The following SP100 variants were observed in gnomAD, a reference collection of about 807,000 sequenced individuals.
SP100 encodes nuclear autoantigen Sp-100.
Under a neutral mutation model 130.0 loss-of-function variants are expected in SP100, and 84 were observed. The ratio of observed to expected loss-of-function variants is 0.65; its 90% CI spans 0.54 to 0.77. The LOEUF (loss-of-function observed/expected upper bound fraction) is 0.77. Among genes scored for constraint, SP100 ranks in the 30% least tolerant of loss-of-function variants. The pLI, the probability that SP100 is intolerant of heterozygous loss-of-function variation, is 0.00. For missense variants in SP100, 978 were observed against 1,052.2 expected, an observed-to-expected ratio of 0.93 and a Z score of 0.97; for synonymous variants, 331 against 351.7, an observed-to-expected ratio of 0.94 and a Z score of 0.66.
At chr2:230,492,034 C>G (rs930970911) in intron 17 of SP100, among the ~76,000 whole-genome samples, 3 of 152,024 alleles carry the variant, frequency 2.0e-5, no homozygotes, top group Non-Finnish European at 4.4e-5. Flanking sequence ...TTATATGATT[C>G]CTTTGGTGCT....
rs957466246 is a variant in SP100, at chr2:230,449,598, C to A, written c.624C>A (p.Pro208=). The change falls in exon 7 of 29, where the codon CCC becomes CCA. Residue 208 remains proline, a synonymous_variant. Transcript: ENST00000340126. ...TPPENGLSEH[P]CETEQINAKR... ...CTGAAAATGGACTCTCAGAGCACCC[C>A]TGTGAAACAGAACAGATAAATGCAA... 3 of 1,613,986 alleles carry A rather than the reference C, an allele frequency of 1.9e-6. No homozygotes were observed. In the African/African-American group the frequency reaches 4.0e-5, roughly 22 times the overall value.
chr2:230,489,258 A>C (rs1306371011), intron 17 of SP100, among the ~76,000 whole-genome samples: 1 of 151,996 alleles, frequency 6.6e-6, no homozygotes, highest in Non-Finnish European at 1.5e-5. Flanking sequence ...GGGAGGGTGT[A>C]TGTTTCCAGG....
chr2:230,507,145 A>C (rs1207546121), intron 22 of SP100: 5 of 152,092 alleles, frequency 3.3e-5, no homozygotes, highest in Admixed American at 2.0e-4. Context: ...TACTCAGAAG[A>C]CAGAAGCAGG....
intron 23 of SP100, chr2:230,509,303 G>C (rs1690398877): frequency 6.6e-6 from 1 of 152,128 alleles, no homozygotes; most frequent in South Asian, 2.1e-4. Flanking sequence ...CCTAAGCTCT[G>C]ACATGGGTGA....
intron 17 of SP100, among the ~76,000 whole-genome samples, chr2:230,487,103 TTC>T (rs2066143665): frequency 6.6e-6 from 1 of 152,368 alleles, no homozygotes; most frequent in Non-Finnish European, 1.5e-5. Flanking sequence ...TGCAAAAATT[TTC>T]TCACATTCTG....
intron 10 of SP100, 166 bp from the exon 11 acceptor site, chr2:230,463,901 C>T: frequency 1.9e-6 from 1 of 531,998 alleles, no homozygotes; most frequent in Non-Finnish European, 3.5e-6. Flanking sequence ...TATCACTAAC[C>T]CACAATGAAG....
chr2:230,542,109 A>G (rs569690497), intron 28 of SP100, 74 bp downstream of exon 28: 34 of 1,482,908 alleles, frequency 2.3e-5, no homozygotes, highest in Middle Eastern at 1.7e-4. Flanking sequence ...TCATCTTTTC[A>G]TGTCAGGTAA....
At chr2:230,449,914 CA>C (rs1559494589) in intron 7 of SP100, among the ~76,000 whole-genome samples, 1 of 151,930 alleles carries the variant, frequency 6.6e-6, no homozygotes, top group African/African-American at 2.4e-5. Context: ...AAGCTAGAAG[CA>C]AAAAACTGAG....
intron 24 of SP100, among the ~76,000 whole-genome samples, chr2:230,514,519 T>C (rs1690792168): frequency 6.6e-6 from 1 of 152,206 alleles, no homozygotes; most frequent in Non-Finnish European, 1.5e-5. Context: ...TAGAATCTAA[T>C]AACAACTATG....
intron 17 of SP100, among the ~76,000 whole-genome samples, chr2:230,489,214 A>C (rs945800330): frequency 2.0e-5 from 3 of 152,146 alleles, no homozygotes; most frequent in African/African-American, 7.2e-5. Context: ...TTATTGGTTT[A>C]TTCAGGGATT....
At chr2:230,446,170 A>T (rs533459044) in intron 4 of SP100, among the ~76,000 whole-genome samples, 1 of 152,240 alleles carries the variant, frequency 6.6e-6, no homozygotes, top group South Asian at 2.1e-4. Context: ...GTGCAGTGGC[A>T]TAATCTCAGC....
intron 2 of SP100, chr2:230,440,651 CA>C (rs899682094): frequency 2.7e-4 from 317 of 1,193,936 alleles, no homozygotes; most frequent in South Asian, 6.8e-4. Context: ...AATTCAAATC[CA>C]AAAAAAAGTC....
chr2:230,511,507 A>G (rs1690584518), intron 24 of SP100, among the ~76,000 whole-genome samples: 1 of 152,186 alleles, frequency 6.6e-6, no homozygotes, highest in African/African-American at 2.4e-5. Context: ...ATGTCAGAAA[A>G]TAAAAGCATT....
chr2:230,538,406 T>C (rs2150115150), intron 24 of SP100: 1 of 152,286 alleles, frequency 6.6e-6, no homozygotes, highest in African/African-American at 2.4e-5. Context: ...GAGTCTCATC[T>C]GTTACAACAA....
chr2:230,542,424 A>G (rs2150118944), intron 28 of SP100, among the ~76,000 whole-genome samples: 1 of 152,276 alleles, frequency 6.6e-6, no homozygotes, highest in Non-Finnish European at 1.5e-5. Flanking sequence ...CAAAATATTG[A>G]ATTTCTTTAC....
At chr2:230,539,010 T>C (rs1406677648) in intron 24 of SP100, 3 of 305,672 alleles carry the variant, frequency 9.8e-6, no homozygotes, top group Non-Finnish European at 1.9e-5. Context: ...AAAAAATCTC[T>C]AATTCATCCT....
chr2:230,456,193 A>G lies in SP100; in HGVS notation c.821-5069A>G, dbSNP rs75067465. The stretch of plus-strand genomic sequence containing the variant: ...GCCAAGAAAAGTATTCTTGGTTGTC[A>G]GGTTTCTTTTTCTTCCTTTGGCACT... On this transcript the variant is annotated intron_variant, in intron 8 of 28. Transcript: ENST00000340126. Among the ~76,000 whole-genome samples, 928 of 152,236 alleles carry G rather than the reference A, an allele frequency of 6.1e-3. 9 individuals carry two copies. Among genetic ancestry groups the G allele is most frequent in the African/African-American group, 0.021 (888 of 41,546 alleles).
At position 230,489,777 on chromosome 2, in the gene SP100, G is replaced by C. The variant is rs563082145; in HGVS notation, c.1601-4639G>C. ...TGCCTTAATTTCATTATTTACCCAG[G>C]AGTCATTCAGGAGCAGGTTGTTCAA... On this transcript the variant is annotated intron_variant, in intron 17 of 28. Coordinates refer to ENST00000340126, the MANE Select transcript of SP100 (RefSeq NM_001080391.2). 6.6e-5 allele frequency among the ~76,000 whole-genome samples: 10 copies of C among 152,144 alleles called. No homozygotes were observed. The East Asian group carries it at 1.9e-3, about 29-fold the overall frequency.
At chr2:230,454,324 T>G (rs2064161071) in intron 8 of SP100, among the ~76,000 whole-genome samples, 1 of 152,158 alleles carries the variant, frequency 6.6e-6, no homozygotes, top group Admixed American at 6.5e-5. Context: ...TTCTTTCTGC[T>G]AATTTTTGCC....
Sources: gnomAD v4.1 joint callset for allele counts (sites outside exome capture counted in the v4.1 genomes callset) on GRCh38, gnomAD v4.1.1 for gene constraint, MANE v1.5 for transcripts, NCBI Gene and HGNC (gene_info 2026-07-23, HGNC 2026-07-21) for gene names.